Variants in SYT17 observed in about 807,000 individuals in gnomAD.
The protein encoded by SYT17 is synaptotagmin-17.
SYT17 carries 22 observed loss-of-function variants against 46.7 expected under a neutral mutation model. The observed-to-expected ratio is 0.47, with a 90% confidence interval of 0.34 to 0.67. The LOEUF is 0.67. Ranked by LOEUF, SYT17 falls within the 30% of genes least tolerant of loss-of-function variation. The probability of loss-of-function intolerance (pLI) is 0.01; values close to 1 mark genes in which losing one functional copy is unlikely to be tolerated. For missense variants in SYT17, 519 were observed against 612.8 expected (o/e 0.85, Z 1.62); for synonymous variants, 251 against 248.4 (o/e 1.01, Z -0.10).
chr16:19,196,403 C>T (rs78151973), intron 5 of SYT17, among the ~76,000 whole-genome samples: 6 of 151,942 alleles, frequency 3.9e-5, no homozygotes, highest in Non-Finnish European at 8.8e-5. Context: ...CCACCACACC[C>T]GGTTAATTTT....
At chr16:19,178,683 C>G (rs1237817540) in intron 3 of SYT17, among the ~76,000 whole-genome samples, 1 of 152,120 alleles carries the variant, frequency 6.6e-6, no homozygotes. Flanking sequence ...TTGCATTTTT[C>G]AAGACGAGTT....
At chr16:19,180,950 C>T (rs538723824) in intron 4 of SYT17, among the ~76,000 whole-genome samples, 4 of 152,228 alleles carry the variant, frequency 2.6e-5, no homozygotes, top group Non-Finnish European at 5.9e-5. Context: ...TAAACATTGC[C>T]TGAGTGCAGT....
At chr16:19,241,231 G>C (rs1039198257) in intron 7 of SYT17, among the ~76,000 whole-genome samples, 1 of 151,338 alleles carries the variant, frequency 6.6e-6, no homozygotes, top group Non-Finnish European at 1.5e-5. Context: ...ACAGGCGTGA[G>C]CCACCGCGCC....
intron 5 of SYT17, chr16:19,211,504 A>G (rs1211255161): frequency 1.4e-6 from 1 of 703,440 alleles, no homozygotes; most frequent in African/African-American, 1.7e-5. Flanking sequence ...ATGGGAAATG[A>G]TGGAGGCAGA....
rs2142877012 is a variant in SYT17 at position 19,224,753 on chromosome 16, G to A, written c.1143G>A (p.Arg381=). 2 of 1,614,050 alleles carry A rather than the reference G, an allele frequency of 1.2e-6. No individual in the cohort carries two copies. The highest frequency in any genetic ancestry group is 1.7e-6 in the Non-Finnish European group (2 of 1,179,972). ...AAACCAAGAAGACGTCCTTCTTAAG[G>A]GGCACAATTGATCCTTTCTACAATG... ...LVKTKKTSFL[R]GTIDPFYNES... Residue 381 remains arginine (R), a synonymous_variant, in exon 7 of 8, where the codon AGG becomes AGA. Coordinates refer to ENST00000355377, the MANE Select transcript of SYT17 (RefSeq NM_016524.4).
In SYT17 at chr16:19,182,826, G is replaced by A. The variant is rs186842271; in HGVS notation, c.332-702G>A. Among the ~76,000 whole-genome samples the A allele has an allele frequency of 3.4e-4, 52 of 152,346 alleles. 1 individual carries two copies. In the East Asian group the frequency reaches 7.3e-3, roughly 21 times the overall value. On this transcript the variant is annotated intron_variant, in intron 4 of 7. Transcript: ENST00000355377. ...ATATGAACCTTGAAGAAGTACAGTC[G>A]TTCCCATTTATTGGTCTGTGCCTAC...
At chr16:19,223,187 C>T in intron 6 of SYT17, 22 bp downstream of exon 6, 11 of 1,610,354 alleles carry the variant, frequency 6.8e-6, no homozygotes, top group Non-Finnish European at 9.3e-6. Flanking sequence ...TTCCCCTCTT[C>T]TCTCACTTTA....
intron 5 of SYT17, among the ~76,000 whole-genome samples, chr16:19,195,863 C>T (rs564237038): frequency 6.6e-6 from 1 of 152,190 alleles, no homozygotes; most frequent in African/African-American, 2.4e-5. Context: ...TGCACATCCA[C>T]ATTCGCAGCA....
At chr16:19,266,759 C>G (rs1597064706) in intron 7 of SYT17, 121 bp from the exon 8 acceptor site, 2 of 817,734 alleles carry the variant, frequency 2.4e-6, no homozygotes, top group Non-Finnish European at 3.7e-6. Context: ...TAAACGATGA[C>G]CCCCATGTTT....
chr16:19,168,661 G>A lies in SYT17; in HGVS notation c.15G>A (p.Gln5=), dbSNP rs577086092. 6.6e-7 allele frequency: 1 copy of A among 1,526,240 alleles called. No individual in the cohort carries two copies. The highest frequency in any genetic ancestry group is 1.4e-5 in the African/African-American group (1 of 70,070). 94.5% of individuals were successfully genotyped at this position (1,526,240 alleles called of 1,614,324 possible). A position where few individuals can be genotyped will look rare whatever the true frequency, so the allele number is the denominator to read the frequency against. The change falls in exon 1 of 8, where the codon CAG becomes CAA. Residue 5 remains glutamine (Q), a splice_region_variant and synonymous_variant. Transcript: ENST00000355377. The surrounding 1 kb of genome is among the most constrained non-coding windows in gnomAD (Gnocchi z 6.9). ...CGCGGGCGAAAATGGCGTACATCCA[G>A]GTAGGGCTGAGGCTGGGGGCAAGGT... is the stretch of plus-strand genomic sequence containing the variant. MAYI[Q]LEPLNEGFLS...
chr16:19,196,017 CA>C (rs1313272073), intron 5 of SYT17, among the ~76,000 whole-genome samples: 1 of 151,200 alleles, frequency 6.6e-6, no homozygotes, highest in East Asian at 1.9e-4. Flanking sequence ...CAAAAAGACT[CA>C]AAAAAAAGAT....
intron 1 of SYT17, chr16:19,170,517 CAGAA>C (rs1220574040): frequency 6.6e-6 from 1 of 152,054 alleles, no homozygotes. Flanking sequence ...GACCCAATGC[CAGAA>C]AGACTCAGCA....
chr16:19,196,603 A>T (rs568884108), intron 5 of SYT17, among the ~76,000 whole-genome samples: 10 of 152,050 alleles, frequency 6.6e-5, no homozygotes, highest in African/African-American at 2.4e-4. Context: ...TTTATAGGAA[A>T]ATTGAGAGGA....
intron 5 of SYT17, among the ~76,000 whole-genome samples, chr16:19,195,451 C>G (rs1965199698): frequency 6.7e-6 from 1 of 150,142 alleles, no homozygotes; most frequent in Admixed American, 6.6e-5. Flanking sequence ...CATGGTGGCT[C>G]ACACCTGTAA....
chr16:19,235,248 A>G, intron 7 of SYT17, among the ~76,000 whole-genome samples: 1 of 149,494 alleles, frequency 6.7e-6, no homozygotes, highest in East Asian at 2.0e-4. Flanking sequence ...TCCAAGCTAC[A>G]CAAGTGGATA....
chr16:19,177,148 G>T (rs961044189), intron 3 of SYT17, among the ~76,000 whole-genome samples: 94 of 152,282 alleles, frequency 6.2e-4, no homozygotes, highest in Non-Finnish European at 2.8e-4. Flanking sequence ...TGTAAGCAGG[G>T]GCAAGGGGGC....
chr16:19,258,398 C>A lies in SYT17; in HGVS notation c.1229-8482C>A, dbSNP rs370646986. ...GCTCACGTCTGTAACCCCAGCACATCAGGAGGCTGAGGCAGGCGAATCACC... is the reference window on the plus strand; with the variant it reads ...GCTCACGTCTGTAACCCCAGCACATAAGGAGGCTGAGGCAGGCGAATCACC... On this transcript the variant is annotated intron_variant, in intron 7 of 7. Coordinates refer to ENST00000355377, the MANE Select transcript of SYT17 (RefSeq NM_016524.4). Among the ~76,000 whole-genome samples, 17 of 152,212 alleles carry A rather than the reference C, an allele frequency of 1.1e-4. No individual in the cohort carries two copies. The East Asian group carries it at 3.1e-3, about 28-fold the overall frequency.
At chr16:19,215,923 G>A (rs1458956164) in intron 5 of SYT17, among the ~76,000 whole-genome samples, 2 of 152,168 alleles carry the variant, frequency 1.3e-5, no homozygotes, top group Non-Finnish European at 2.9e-5. Context: ...GGCAAACAGA[G>A]AGAACTTGTG....
At chr16:19,234,571 A>G (rs963582775) in intron 7 of SYT17, among the ~76,000 whole-genome samples, 1 of 152,218 alleles carries the variant, frequency 6.6e-6, no homozygotes. Flanking sequence ...ATTGATGATG[A>G]TGATAATTGA....
Sources: gnomAD v4.1 joint callset for allele counts (sites outside exome capture counted in the v4.1 genomes callset) on GRCh38, gnomAD v4.1.1 for gene constraint, Gnocchi (gnomAD v3.1) non-coding constraint, MANE v1.5 for transcripts, NCBI Gene and HGNC (gene_info 2026-07-23, HGNC 2026-07-21) for gene names.